RASAL2: variants seen among roughly 807,000 people sequenced by gnomAD.
The protein encoded by RASAL2 is RAS protein activator like 2, also known as ras GTPase-activating protein nGAP.
A neutral mutation model predicts 128.9 loss-of-function variants in RASAL2; 58 were observed. That is an observed-to-expected ratio of 0.45 (90% confidence interval 0.36 to 0.56). The LOEUF is 0.56. RASAL2 is among the 20% of genes least tolerant of loss of function. The pLI is 0.00. For missense variants in RASAL2, 1,360 were observed against 1,601.6 expected (o/e 0.85, Z 2.57); for synonymous variants, 561 against 580.8 (o/e 0.97, Z 0.49).
intron 17 of RASAL2, among the ~76,000 whole-genome samples, chr1:178,469,133 C>CA (rs1488594447): frequency 6.6e-6 from 1 of 151,902 alleles, no homozygotes; most frequent in Non-Finnish European, 1.5e-5. Flanking sequence ...CCCACCTCTA[C>CA]AAAAAATGCA....
chr1:178,274,147 C>T (rs1377008428), intron 1 of RASAL2, among the ~76,000 whole-genome samples: 1 of 152,122 alleles, frequency 6.6e-6, no homozygotes, highest in African/African-American at 2.4e-5. Flanking sequence ...ACTTTTATTT[C>T]TAATGTAGCC....
intron 1 of RASAL2, among the ~76,000 whole-genome samples, chr1:178,164,823 T>TGTG (rs1661464282): frequency 7.6e-6 from 1 of 131,902 alleles, no homozygotes; most frequent in Admixed American, 7.8e-5. Flanking sequence ...CATCAAACGT[T>TGTG]TGTGTGTGTG....
chr1:178,215,856 C>A (rs893129651), intron 1 of RASAL2, among the ~76,000 whole-genome samples: 1 of 151,998 alleles, frequency 6.6e-6, no homozygotes, highest in East Asian at 1.9e-4. Context: ...ATCCATCTAG[C>A]CTTACTTAAA....
At chr1:178,320,929 G>A (rs1257935469) in intron 3 of RASAL2, among the ~76,000 whole-genome samples, 3 of 152,172 alleles carry the variant, frequency 2.0e-5, no homozygotes, top group Non-Finnish European at 1.5e-5. Flanking sequence ...CATTCACTGA[G>A]TCAGTTAACA....
intron 1 of RASAL2, among the ~76,000 whole-genome samples, chr1:178,216,134 TGTTACA>T (rs1438256808): frequency 1.3e-5 from 2 of 152,216 alleles, no homozygotes; most frequent in Admixed American, 1.3e-4. Flanking sequence ...GGATCTCAGA[TGTTACA>T]GTTACAGAAT....
intron 12 of RASAL2, among the ~76,000 whole-genome samples, chr1:178,455,953 G>C (rs16852852): frequency 0.071 from 10,844 of 152,260 alleles, 1,240 homozygotes; most frequent in African/African-American, 0.24. Context: ...CTGTGAAATG[G>C]GCCTGGTTTA....
intron 1 of RASAL2, among the ~76,000 whole-genome samples, chr1:178,139,037 A>T (rs1217221504): frequency 6.6e-6 from 1 of 152,134 alleles, no homozygotes; most frequent in Non-Finnish European, 1.5e-5. Context: ...ATATATAATA[A>T]ATACAAAGTA....
chr1:178,305,320 C>T (rs1667937710), intron 3 of RASAL2, among the ~76,000 whole-genome samples: 1 of 152,110 alleles, frequency 6.6e-6, no homozygotes, highest in East Asian at 1.9e-4. Flanking sequence ...TATGGAATCA[C>T]AAAAGACCCT....
chr1:178,102,900 T>C (rs1658955948), intron 1 of RASAL2, among the ~76,000 whole-genome samples: 1 of 152,134 alleles, frequency 6.6e-6, no homozygotes, highest in African/African-American at 2.4e-5. Flanking sequence ...GAAGCAAATG[T>C]AGAGATAGAT....
At chr1:178,456,004 C>T (rs1289721138) in intron 12 of RASAL2, among the ~76,000 whole-genome samples, 1 of 152,186 alleles carries the variant, frequency 6.6e-6, no homozygotes, top group Non-Finnish European at 1.5e-5. Context: ...GCTATGTAAA[C>T]ACACTTTCTC....
chr1:178,334,836 T>G (rs1165249744), intron 3 of RASAL2, among the ~76,000 whole-genome samples: 1 of 152,154 alleles, frequency 6.6e-6, no homozygotes, highest in Non-Finnish European at 1.5e-5. Context: ...TGTGCACCTG[T>G]AGTCCCAGCT....
intron 17 of RASAL2, among the ~76,000 whole-genome samples, chr1:178,471,162 A>G (rs1416359481): frequency 6.6e-6 from 1 of 152,118 alleles, no homozygotes; most frequent in South Asian, 2.1e-4. Context: ...GGAGAATCCT[A>G]ATTTCCTTAT....
chr1:178,450,864 T>C (rs1324785879), intron 9 of RASAL2, among the ~76,000 whole-genome samples: 5 of 152,058 alleles, frequency 3.3e-5, no homozygotes, highest in African/African-American at 1.2e-4. Context: ...CAAACACAAA[T>C]AATGAGAAAT....
In RASAL2 at chr1:178,137,017, G is replaced by A. The variant is rs939189846; in HGVS notation, c.202+42323G>A. ...GGAGCCAGATCTTAAGGGCCTCTGA[G>A]GTTGTGACATTTATTTGTATTTAAT... On this transcript the variant is annotated intron_variant, in intron 1 of 17. Transcript: ENST00000367649. Among the ~76,000 whole-genome samples, 41 of 152,182 alleles carry A rather than the reference G, an allele frequency of 2.7e-4. 1 individual carries two copies. Among genetic ancestry groups the A allele is most frequent in the African/African-American group, 8.4e-4 (35 of 41,536 alleles).
chr1:178,423,750 T>A (rs76648592), intron 5 of RASAL2, among the ~76,000 whole-genome samples: 1,886 of 152,302 alleles, frequency 0.012, 21 homozygotes, highest in Non-Finnish European at 0.02. Flanking sequence ...TGTATTTTGC[T>A]AATGCTTAGT....
intron 1 of RASAL2, among the ~76,000 whole-genome samples, chr1:178,141,933 T>C (rs1660548248): frequency 6.6e-6 from 1 of 152,010 alleles, no homozygotes; most frequent in Non-Finnish European, 1.5e-5. Flanking sequence ...GGGGCGTCAA[T>C]ATTTCCGGGA....
chr1:178,467,374 G>C lies in RASAL2; in HGVS notation c.3631G>C (p.Glu1211Gln), dbSNP rs1038515115. Residue 1211 changes from glutamate to glutamine, a missense_variant, in exon 17 of 18, where the codon GAG (glutamate) becomes CAG (glutamine). This residue lies in a region of RASAL2 where 741 missense variants were observed against 868.6 expected (regional missense o/e 0.85). Coordinates refer to ENST00000367649, the MANE Select transcript of RASAL2 (RefSeq NM_170692.4). Reference sequence around the variant, plus strand: ...AGAGGAACTGAAGAAGGATCATGCTGAGATGCAAGCAGTTATTGATGCAAA... The same window carrying C: ...AGAGGAACTGAAGAAGGATCATGCTCAGATGCAAGCAGTTATTGATGCAAA... ...VEEELKKDHA[E>Q]MQAVIDAKQK... is the part of the protein sequence containing the mutation. 5.0e-6 allele frequency: 8 copies of C among 1,614,044 alleles called. No homozygotes were observed. Among genetic ancestry groups the C allele is most frequent in the Admixed American group, 1.7e-5 (1 of 60,008 alleles).
intron 3 of RASAL2, chr1:178,372,245 G>C: frequency 1.0e-6 from 1 of 985,316 alleles, no homozygotes. Context: ...TGGAGAATGA[G>C]TCTCCTTTCC....
chr1:178,114,103 C>A (rs983053375), intron 1 of RASAL2, among the ~76,000 whole-genome samples: 2 of 151,528 alleles, frequency 1.3e-5, no homozygotes, highest in African/African-American at 2.4e-5. Context: ...ATTCCATTGG[C>A]TTTTCTAAAT....
Sources: allele counts gnomAD v4.1 joint callset (sites outside exome capture counted in the v4.1 genomes callset), GRCh38; gene constraint gnomAD v4.1.1; regional missense constraint gnomAD v4.1.1; transcripts MANE v1.5; gene names NCBI Gene and HGNC (gene_info 2026-07-23, HGNC 2026-07-21).